Variants in GPR137C observed in about 807,000 individuals in gnomAD.
GPR137C encodes the protein G protein-coupled receptor 137C.
In GPR137C, 27 loss-of-function variants were observed where a neutral mutation model predicts 43.4. That is an observed-to-expected ratio of 0.62 (90% CI 0.46 to 0.86). The LOEUF is 0.86. Ranked by LOEUF, GPR137C falls within the 40% of genes least tolerant of loss-of-function variation. The pLI is 0.00. For missense variants in GPR137C, 522 were observed against 534.6 expected, an observed-to-expected ratio of 0.98 and a Z score of 0.23; for synonymous variants, 285 against 226.9, an observed-to-expected ratio of 1.26 and a Z score of -2.30.
chr14:52,611,354 C>T lies in GPR137C; in HGVS notation c.717+11013C>T, dbSNP rs577392843. 4.6e-5 allele frequency: 7 copies of T among 152,284 alleles called. No individual in the cohort carries two copies. In the East Asian group the frequency reaches 9.7e-4, roughly 21 times the overall value. 9.4% of individuals were successfully genotyped at this position (152,284 alleles called of 1,614,324 possible). A position where few individuals can be genotyped will look rare whatever the true frequency, so the allele number is the denominator to read the frequency against. On this transcript the variant is annotated intron_variant, in intron 3 of 6. Transcript: ENST00000321662. ...TATCTTTTTTAAGAATGATAGCCTT[C>T]GTAAGTCTAATGTGTACCTAGTTAT...
intron 3 of GPR137C, chr14:52,611,376 T>G (rs1036507621): frequency 1.8e-4 from 27 of 154,170 alleles, no homozygotes; most frequent in African/African-American, 6.3e-4. Context: ...GTGTACCTAG[T>G]TATGAATAGA....
intron 6 of GPR137C, among the ~76,000 whole-genome samples, 163 bp downstream of exon 6, chr14:52,634,109 G>A (rs1242066302): frequency 2.6e-5 from 4 of 152,096 alleles, no homozygotes; most frequent in Non-Finnish European, 5.9e-5. Context: ...TAAACCCAGG[G>A]TGGGACCTGC....
chr14:52,600,015 C>A, intron 2 of GPR137C, 98 bp from the exon 3 acceptor site: 3 of 766,222 alleles, frequency 3.9e-6, no homozygotes, highest in Non-Finnish European at 6.4e-6. Context: ...ACATTTCAAA[C>A]TGAAGGAATT....
intron 3 of GPR137C, among the ~76,000 whole-genome samples, chr14:52,610,331 T>C (rs562633906): frequency 9.8e-5 from 15 of 152,346 alleles, no homozygotes; most frequent in Non-Finnish European, 2.1e-4. Flanking sequence ...CCTGGCATAT[T>C]TTAGTGAAGT....
At chr14:52,585,783 T>C (rs1429233846) in intron 1 of GPR137C, among the ~76,000 whole-genome samples, 1 of 151,936 alleles carries the variant, frequency 6.6e-6, no homozygotes, top group South Asian at 2.1e-4. Flanking sequence ...TGCAGTGAGC[T>C]GAGATTGCAC....
chr14:52,558,600 A>G (rs1356787103), intron 1 of GPR137C, among the ~76,000 whole-genome samples: 2 of 152,220 alleles, frequency 1.3e-5, no homozygotes, highest in African/African-American at 2.4e-5. Context: ...TTAAACCCAG[A>G]CTTCTGACAG....
Position 52,552,836 on chromosome 14 carries a change from A to C in GPR137C, c.-312A>C, listed in dbSNP as rs2038096307. Among the ~76,000 whole-genome samples, 1 of 151,926 alleles carries C rather than the reference A, an allele frequency of 6.6e-6. No individual in the cohort carries two copies. Among genetic ancestry groups the C allele is most frequent in the Admixed American group, 6.5e-5 (1 of 15,286 alleles). Reference sequence around the variant, plus strand: ...CCTGGGCCAATCGGCGCGAGCCCACAGTGCGGAGCGAGCGCCTCAAATGCT... The same window carrying C: ...CCTGGGCCAATCGGCGCGAGCCCACCGTGCGGAGCGAGCGCCTCAAATGCT... On this transcript the variant is annotated 5_prime_UTR_variant, in exon 1 of 7. Coordinates refer to ENST00000321662, the MANE Select transcript of GPR137C (RefSeq NM_001099652.2).
At chr14:52,630,698 C>G (rs990575464) in intron 3 of GPR137C, among the ~76,000 whole-genome samples, 1 of 150,698 alleles carries the variant, frequency 6.6e-6, no homozygotes, top group African/African-American at 2.4e-5. Flanking sequence ...TTCTCAACCC[C>G]GCAAGAGCCC....
intron 1 of GPR137C, among the ~76,000 whole-genome samples, chr14:52,567,441 T>A (rs1310075591): frequency 6.6e-6 from 1 of 152,202 alleles, no homozygotes; most frequent in Non-Finnish European, 1.5e-5. Context: ...TATGGTAATA[T>A]TTGAGATACC....
chr14:52,558,836 G>C (rs2139432523), intron 1 of GPR137C, among the ~76,000 whole-genome samples: 1 of 152,122 alleles, frequency 6.6e-6, no homozygotes, highest in South Asian at 2.1e-4. Context: ...AAGTGAACTA[G>C]AAGATCTTAG....
chr14:52,633,828 G>A lies in GPR137C; in HGVS notation c.994G>A (p.Ala332Thr), dbSNP rs747264068. Reference sequence around the variant, plus strand: ...ATGCTATCTAATACTTTGTTCACAGGCACCTGCTGGCATGATAAATAGTCA... The same window carrying A: ...ATGCTATCTAATACTTTGTTCACAGACACCTGCTGGCATGATAAATAGTCA... ...FRAQRLNQNL[A>T]PAGMINSHSY... The change falls in exon 6 of 7, where the codon GCA becomes ACA. Residue 332 changes from alanine (A) to threonine (T), a missense_variant and splice_region_variant. Physicochemically the swap from Ala to Thr is moderately conservative, Grantham distance 58. This residue lies in a region of GPR137C where 437 missense variants were observed against 425.7 expected (regional missense o/e 1.03). Transcript: ENST00000321662. 1 of 1,601,768 alleles carries A rather than the reference G, an allele frequency of 6.2e-7. No individual in the cohort carries two copies. Among genetic ancestry groups the A allele is most frequent in the Non-Finnish European group, 8.6e-7 (1 of 1,169,334 alleles).
chr14:52,626,416 A>G (rs1373307603), intron 3 of GPR137C, among the ~76,000 whole-genome samples: 1 of 152,144 alleles, frequency 6.6e-6, no homozygotes, highest in Non-Finnish European at 1.5e-5. Flanking sequence ...TCAATAAACA[A>G]TGAAAAGGCA....
intron 3 of GPR137C, among the ~76,000 whole-genome samples, chr14:52,631,052 G>T (rs979532686): frequency 7.2e-5 from 11 of 152,126 alleles, no homozygotes; most frequent in Non-Finnish European, 1.6e-4. Flanking sequence ...AAATTCTGAA[G>T]AAAACAAAGC....
Position 52,598,291 on chromosome 14 carries a change from G to A in GPR137C, c.464G>A (p.Cys155Tyr). 2.1e-6 allele frequency: 3 copies of A among 1,398,250 alleles called. No individual in the cohort carries two copies. The highest frequency in any genetic ancestry group is 2.9e-6 in the Non-Finnish European group (3 of 1,026,538). The allele number at this position is 1,398,250 out of a possible 1,614,324, so 86.6% of individuals were successfully genotyped here. A position where few individuals can be genotyped will look rare whatever the true frequency, so the allele number is the denominator to read the frequency against. Residue 155 changes from cysteine to tyrosine, a missense_variant, in exon 2 of 7, where the codon TGT becomes TAT. Coordinates refer to ENST00000321662, the MANE Select transcript of GPR137C (RefSeq NM_001099652.2). Reference sequence around the variant, plus strand: ...TTATAGGTTATATGTAAAGTCAGATGTGCCACTGAACTTGACAGACACAAG... The same window carrying A: ...TTATAGGTTATATGTAAAGTCAGATATGCCACTGAACTTGACAGACACAAG... Reference protein sequence around the residue: ...YLAEVICKVRCATELDRHKIL... With the variant: ...YLAEVICKVRYATELDRHKIL...
chr14:52,612,610 G>A (rs561732309), intron 3 of GPR137C: 280 of 664,356 alleles, frequency 4.2e-4, no homozygotes, highest in Middle Eastern at 7.5e-4. Flanking sequence ...CACCCAGGCT[G>A]GAATGTAGTG....
intron 3 of GPR137C, among the ~76,000 whole-genome samples, chr14:52,614,259 C>T (rs1024069488): frequency 6.6e-6 from 1 of 150,628 alleles, no homozygotes; most frequent in Non-Finnish European, 1.5e-5. Context: ...TAGCTGGTAC[C>T]GTAGGCATGC....
At chr14:52,627,253 CATG>C in intron 3 of GPR137C, among the ~76,000 whole-genome samples, 1 of 152,062 alleles carries the variant, frequency 6.6e-6, no homozygotes. Context: ...ATTAGCCAGA[CATG>C]GTGGTGTGCA....
Position 52,553,445 on chromosome 14 carries a change from T to C in GPR137C, c.298T>C (p.Phe100Leu). Residue 100 changes from phenylalanine to leucine, a missense_variant, in exon 1 of 7, where the codon TTC (phenylalanine) becomes CTC (leucine). This residue lies in a region of GPR137C where 437 missense variants were observed against 425.7 expected (regional missense o/e 1.03). Coordinates refer to ENST00000321662, the MANE Select transcript of GPR137C (RefSeq NM_001099652.2). ...GTGGGCAGCGCTCAGGACCACCCTCTTCTCCGCCGCCTTCTCGCTCAGCGG... is the reference window on the plus strand; with the variant it reads ...GTGGGCAGCGCTCAGGACCACCCTCCTCTCCGCCGCCTTCTCGCTCAGCGG... ...LLWAALRTTL[F>L]SAAFSLSGSL... 1 of 1,609,124 alleles carries C rather than the reference T, an allele frequency of 6.2e-7. No homozygotes were observed. The highest frequency in any genetic ancestry group is 8.5e-7 in the Non-Finnish European group (1 of 1,179,790).
chr14:52,560,151 T>C (rs942210828), intron 1 of GPR137C, among the ~76,000 whole-genome samples: 15 of 152,174 alleles, frequency 9.9e-5, no homozygotes, highest in Non-Finnish European at 1.8e-4. Context: ...AACAAGACCC[T>C]GTTTCAAAAA....
Sources: gnomAD v4.1 joint callset for allele counts (sites outside exome capture counted in the v4.1 genomes callset) on GRCh38, gnomAD v4.1.1 for gene constraint, gnomAD v4.1.1 regional missense constraint, MANE v1.5 for transcripts, NCBI Gene and HGNC (gene_info 2026-07-23, HGNC 2026-07-21) for gene names.